The following VPS13D variants were observed in gnomAD, a reference collection of about 807,000 sequenced individuals.
VPS13D encodes the protein vacuolar protein sorting 13 homolog D.
A neutral mutation model predicts 461.9 loss-of-function variants in VPS13D; 187 were observed. The observed-to-expected ratio is 0.40, with a 90% CI of 0.36 to 0.46. The LOEUF (loss-of-function observed/expected upper bound fraction) is 0.46. VPS13D is among the 20% of genes least tolerant of loss of function. VPS13D has a pLI of 0.60. For synonymous variants in VPS13D, 1,951 were observed against 1,986.3 expected (o/e 0.98, Z 0.47); for missense variants, 4,711 against 5,364.9 (o/e 0.88, Z 3.81).
Position 12,276,212 on chromosome 1 carries a change from T to C in VPS13D, c.2624T>C (p.Leu875Pro). The C allele has an allele frequency of 6.2e-7, 1 of 1,614,080 alleles. No individual in the cohort carries two copies. The highest frequency in any genetic ancestry group is 8.5e-7 in the Non-Finnish European group (1 of 1,180,006). Residue 875 changes from leucine (L) to proline (P), a missense_variant, in exon 19 of 70, where the codon CTC (leucine) becomes CCC (proline). Physicochemically the swap from Leu to Pro is moderately conservative, Grantham distance 98. Around this residue, in one of 3 missense-constraint regions of VPS13D, gnomAD observed 4,411 missense variants for 4,937.8 expected, o/e 0.89. Coordinates refer to ENST00000620676, the MANE Select transcript of VPS13D (RefSeq NM_015378.4). The surrounding 1 kb of genome is among the most constrained non-coding windows in gnomAD (Gnocchi z 4.5). ...TSDPKYPGAV[L>P]SGNLPDLKIH... ...GATCCCAAATATCCAGGAGCCGTGC[T>C]CTCAGGCAACTTACCAGACTTAAAA...
intron 65 of VPS13D, among the ~76,000 whole-genome samples, chr1:12,443,768 C>T (rs1394769911): frequency 6.6e-6 from 1 of 152,020 alleles, no homozygotes; most frequent in Non-Finnish European, 1.5e-5. Context: ...CTATCCATAC[C>T]TCCATCTGGG....
chr1:12,346,704 C>G, intron 44 of VPS13D, 52 bp downstream of exon 44: 1 of 1,494,840 alleles, frequency 6.7e-7, no homozygotes, highest in South Asian at 1.2e-5. Context: ...ATACACTGCA[C>G]CTGAATCATG....
chr1:12,322,580 T>C lies in VPS13D; in HGVS notation c.7749T>C (p.Val2583=). The C allele has an allele frequency of 6.2e-7, 1 of 1,614,248 alleles. No individual in the cohort carries two copies. The highest frequency in any genetic ancestry group is 1.1e-5 in the South Asian group (1 of 91,090). ...ALDIRLSYND[V]QLFLAIAKSI... Reference sequence around the variant, plus strand: ...ATATCAGACTCTCCTATAATGATGTTCAGCTGTTTCTTGCCATTGCAAAAT... The same window carrying C: ...ATATCAGACTCTCCTATAATGATGTCCAGCTGTTTCTTGCCATTGCAAAAT... The change falls in exon 34 of 70, where the codon GTT becomes GTC. Residue 2583 remains valine, a synonymous_variant. Coordinates refer to ENST00000620676, the MANE Select transcript of VPS13D (RefSeq NM_015378.4).
chr1:12,274,125 C>G (rs746444157), intron 18 of VPS13D, among the ~76,000 whole-genome samples: 25 of 152,142 alleles, frequency 1.6e-4, no homozygotes, highest in Non-Finnish European at 2.6e-4. Flanking sequence ...ACTGCAACCT[C>G]TGCCTCCCAG....
rs990476849 is a variant in VPS13D, at chr1:12,356,162, C to T, written c.9871+72C>T. Reference sequence around the variant, plus strand: ...AATTCAGATTTATTTGCTTAGCTAACTAAATGGAGCCAATGCAAATAGATT... The same window carrying T: ...AATTCAGATTTATTTGCTTAGCTAATTAAATGGAGCCAATGCAAATAGATT... On this transcript the variant is annotated intron_variant, in intron 48 of 69. Coordinates refer to ENST00000620676, the MANE Select transcript of VPS13D (RefSeq NM_015378.4). The T allele has an allele frequency of 8.6e-6, 13 of 1,506,548 alleles. No individual in the cohort carries two copies. The African/African-American group carries it at 1.3e-4, about 15-fold the overall frequency. The allele number at this position is 1,506,548 out of a possible 1,614,324, so 93.3% of individuals were successfully genotyped here. A position where few individuals can be genotyped will look rare whatever the true frequency, so the allele number is the denominator to read the frequency against.
intron 20 of VPS13D, among the ~76,000 whole-genome samples, chr1:12,281,239 C>T (rs937165640): frequency 6.6e-6 from 1 of 152,112 alleles, no homozygotes; most frequent in Non-Finnish European, 1.5e-5. Flanking sequence ...AGTCGATTTT[C>T]AGATTTCAGA....
Position 12,368,527 on chromosome 1 carries a change from A to T in VPS13D, c.10508A>T (p.Tyr3503Phe), listed in dbSNP as rs778304286. Residue 3503 changes from tyrosine (Y) to phenylalanine (F), a missense_variant, in exon 53 of 70, where the codon TAT becomes TTT. Physicochemically the swap from Tyr to Phe is conservative, Grantham distance 22 (BLOSUM62 3). Around this residue, in one of 3 missense-constraint regions of VPS13D, gnomAD observed 4,411 missense variants for 4,937.8 expected, o/e 0.89. Coordinates refer to ENST00000620676, the MANE Select transcript of VPS13D (RefSeq NM_015378.4). ...RVEITLRGAT[Y>F]RISFSDTDQL... is the part of the protein sequence containing the mutation. Reference sequence around the variant, plus strand: ...GAAATTACTCTCCGAGGAGCTACGTATAGGATCTCATTTAGTGACACAGAT... The same window carrying T: ...GAAATTACTCTCCGAGGAGCTACGTTTAGGATCTCATTTAGTGACACAGAT... 1.9e-6 allele frequency: 3 copies of T among 1,613,952 alleles called. No individual in the cohort carries two copies. The highest frequency in any genetic ancestry group is 2.5e-6 in the Non-Finnish European group (3 of 1,179,936).
At chr1:12,302,948 A>G (rs1642466172) in intron 25 of VPS13D, among the ~76,000 whole-genome samples, 2 of 151,562 alleles carry the variant, frequency 1.3e-5, no homozygotes, top group African/African-American at 2.4e-5. Flanking sequence ...GTAGAATTCC[A>G]TAAGGGCTGT....
chr1:12,384,774 A>G (rs1023615268), intron 58 of VPS13D, among the ~76,000 whole-genome samples: 1 of 152,112 alleles, frequency 6.6e-6, no homozygotes, highest in Non-Finnish European at 1.5e-5. Context: ...GCATGCCACC[A>G]TGCTTAGCTA....
intron 55 of VPS13D, among the ~76,000 whole-genome samples, 170 bp downstream of exon 55, chr1:12,374,028 A>C (rs1004350457): frequency 2.0e-5 from 3 of 152,230 alleles, no homozygotes; most frequent in Non-Finnish European, 4.4e-5. Flanking sequence ...GTACCAGCTC[A>C]GGAGTAAGAT....
chr1:12,329,139 A>G (rs1431700569), intron 36 of VPS13D, among the ~76,000 whole-genome samples: 1 of 152,166 alleles, frequency 6.6e-6, no homozygotes. Context: ...TTTTGAGCTA[A>G]TATTTATCAG....
intron 67 of VPS13D, among the ~76,000 whole-genome samples, chr1:12,470,849 A>AT (rs1434407013): frequency 1.3e-5 from 2 of 152,100 alleles, no homozygotes; most frequent in African/African-American, 2.4e-5. Context: ...AATTACAGGC[A>AT]TTTTTTCCCT....
chr1:12,233,405 A>G (rs1409362371), intron 1 of VPS13D, among the ~76,000 whole-genome samples: 4 of 152,126 alleles, frequency 2.6e-5, no homozygotes, highest in African/African-American at 9.7e-5. Context: ...TGGGTTGGAT[A>G]ATTCTTTGCT....
At chr1:12,340,973 T>C (rs997487818) in intron 40 of VPS13D, among the ~76,000 whole-genome samples, 7 of 152,222 alleles carry the variant, frequency 4.6e-5, no homozygotes, top group African/African-American at 1.7e-4. Flanking sequence ...TGCAGAGGGA[T>C]CTGTCTGCCA....
At chr1:12,251,187 C>A (rs1485069991) in intron 6 of VPS13D, among the ~76,000 whole-genome samples, 1 of 152,268 alleles carries the variant, frequency 6.6e-6, no homozygotes, top group Non-Finnish European at 1.5e-5. Flanking sequence ...AAGCTGTTGA[C>A]TCTGTGGCCC....
chr1:12,353,607 G>T (rs925603315), intron 46 of VPS13D, among the ~76,000 whole-genome samples: 3 of 149,832 alleles, frequency 2.0e-5, no homozygotes, highest in Non-Finnish European at 4.4e-5. Flanking sequence ...TATATATGCA[G>T]TTCTATAACA....
chr1:12,408,965 A>G (rs932260154), intron 63 of VPS13D, among the ~76,000 whole-genome samples: 1 of 151,644 alleles, frequency 6.6e-6, no homozygotes, highest in Non-Finnish European at 1.5e-5. Flanking sequence ...TCACTTGTCT[A>G]TTTTTCTGTC....
chr1:12,325,346 G>T (rs1043141750), intron 35 of VPS13D, among the ~76,000 whole-genome samples: 1 of 151,802 alleles, frequency 6.6e-6, no homozygotes, highest in Non-Finnish European at 1.5e-5. Flanking sequence ...TGCAACCTCC[G>T]CCTCCCAGGT....
In VPS13D at chr1:12,499,824, C is replaced by T. The variant is rs1350252000; in HGVS notation, c.12794+2193C>T. The T allele has an allele frequency of 2.4e-5, 24 of 985,322 alleles. No homozygotes were observed. In the East Asian group the frequency reaches 1.1e-3, roughly 47 times the overall value. 61.0% of individuals were successfully genotyped at this position (985,322 alleles called of 1,614,324 possible). Reference sequence around the variant, plus strand: ...GTCCTCAGTTGTCAGCCTGGGTCTTCGCGGTGGAGTGAACATTACACTCAT... The same window carrying T: ...GTCCTCAGTTGTCAGCCTGGGTCTTTGCGGTGGAGTGAACATTACACTCAT... On this transcript the variant is annotated intron_variant, in intron 68 of 69. Coordinates refer to ENST00000620676, the MANE Select transcript of VPS13D (RefSeq NM_015378.4).
Sources: gnomAD v4.1 joint callset for allele counts (sites outside exome capture counted in the v4.1 genomes callset) on GRCh38, gnomAD v4.1.1 for gene constraint, gnomAD v4.1.1 regional missense constraint, Gnocchi (gnomAD v3.1) non-coding constraint, MANE v1.5 for transcripts, NCBI Gene and HGNC (gene_info 2026-07-23, HGNC 2026-07-21) for gene names.